BCL2L13: variants seen among roughly 807,000 people sequenced by gnomAD.
BCL2L13 encodes the protein BCL2 like 13, also known as bcl-2-like protein 13.
BCL2L13 carries 13 observed loss-of-function variants against 25.8 expected under a neutral mutation model. That is an observed-to-expected ratio of 0.50 (90% CI 0.33 to 0.80). The LOEUF (loss-of-function observed/expected upper bound fraction) is 0.80. Ranked by LOEUF, BCL2L13 falls within the 30% of genes least tolerant of loss-of-function variation. The probability of loss-of-function intolerance (pLI) is 0.02; values close to 1 mark genes in which losing one functional copy is unlikely to be tolerated. For missense variants in BCL2L13, 504 were observed against 574.9 expected, an observed-to-expected ratio of 0.88 and a Z score of 1.26; for synonymous variants, 244 against 230.3, an observed-to-expected ratio of 1.06 and a Z score of -0.54.
chr22:17,629,125 G>A (rs2057949825), intron 1 of BCL2L13: 1 of 157,264 alleles, frequency 6.4e-6, no homozygotes, highest in South Asian at 1.6e-4. Context: ...GGAGACTTTG[G>A]GAGACCAAGG....
intron 6 of BCL2L13, among the ~76,000 whole-genome samples, chr22:17,719,373 G>A (rs9618101): frequency 3.3e-5 from 5 of 151,870 alleles, no homozygotes; most frequent in African/African-American, 1.2e-4. Flanking sequence ...ATTTTTTGGA[G>A]AATAATTTGA....
At chr22:17,706,203 T>C (rs1055738506) in intron 6 of BCL2L13, among the ~76,000 whole-genome samples, 3 of 152,058 alleles carry the variant, frequency 2.0e-5, no homozygotes, top group African/African-American at 7.2e-5. Flanking sequence ...CAGAGAGAGG[T>C]TTCACTATGT....
chr22:17,695,627 A>T (rs5746460), intron 4 of BCL2L13: 78,681 of 151,692 alleles, frequency 0.52, 21,112 homozygotes, highest in East Asian at 0.84. Flanking sequence ...GCCAAAAAAA[A>T]TTTTTTTAAT....
chr22:17,648,095 A>G (rs1298661708), intron 1 of BCL2L13, among the ~76,000 whole-genome samples: 2 of 150,862 alleles, frequency 1.3e-5, no homozygotes, highest in Non-Finnish European at 2.9e-5. Context: ...ATGCCACTGC[A>G]CTCCTGGCGA....
chr22:17,715,171 T>TATATATA (rs1183781107), intron 6 of BCL2L13, among the ~76,000 whole-genome samples: 1 of 6,626 alleles, frequency 1.5e-4, no homozygotes, highest in African/African-American at 6.3e-4. Context: ...TATATATATA[T>TATATATA]TTTTTTTTTT....
intron 2 of BCL2L13, among the ~76,000 whole-genome samples, chr22:17,679,676 T>C (rs2059677980): frequency 6.6e-6 from 1 of 152,120 alleles, no homozygotes; most frequent in South Asian, 2.1e-4. Context: ...ATTTTTGCAA[T>C]GTAGGGAGAG....
At chr22:17,666,509 A>C (rs1027776413) in intron 2 of BCL2L13, among the ~76,000 whole-genome samples, 6 of 151,828 alleles carry the variant, frequency 4.0e-5, no homozygotes, top group Non-Finnish European at 2.9e-5. Flanking sequence ...TACCCTTCTT[A>C]GTTCTGGTAA....
intron 1 of BCL2L13, among the ~76,000 whole-genome samples, chr22:17,651,367 CTATTTATTTATT>C (rs148784214): frequency 6.1e-5 from 3 of 49,560 alleles, no homozygotes; most frequent in East Asian, 9.3e-4. Context: ...CAGCCTAGAC[CTATTTATTTATT>C]TATTTATTTA....
At chr22:17,651,612 C>T (rs2058690740) in intron 1 of BCL2L13, among the ~76,000 whole-genome samples, 1 of 150,664 alleles carries the variant, frequency 6.6e-6, no homozygotes, top group Non-Finnish European at 1.5e-5. Context: ...GAACTCCTGA[C>T]CTCATATGAT....
At chr22:17,649,871 CTTTT>C (rs71201855) in intron 1 of BCL2L13, among the ~76,000 whole-genome samples, 6 of 94,382 alleles carry the variant, frequency 6.4e-5, no homozygotes, top group Non-Finnish European at 8.4e-5. Context: ...TTTTTCTTTT[CTTTT>C]TTTTTTTTTT....
chr22:17,701,305 C>G (rs1208620166), intron 5 of BCL2L13, among the ~76,000 whole-genome samples: 1 of 152,144 alleles, frequency 6.6e-6, no homozygotes, highest in Non-Finnish European at 1.5e-5. Flanking sequence ...CAAAAAAGTA[C>G]AGAAAGATAT....
intron 5 of BCL2L13, among the ~76,000 whole-genome samples, chr22:17,699,144 TATA>T (rs2145690730): frequency 6.6e-6 from 1 of 152,340 alleles, no homozygotes; most frequent in Admixed American, 6.5e-5. Flanking sequence ...CTGGGTGACA[TATA>T]ATATCTGGTT....
chr22:17,697,264 C>T (rs2060292865), intron 5 of BCL2L13, among the ~76,000 whole-genome samples: 1 of 152,022 alleles, frequency 6.6e-6, no homozygotes, highest in South Asian at 2.1e-4. Flanking sequence ...CGTGGAGAAT[C>T]GCCGTCTCTA....
intron 5 of BCL2L13, among the ~76,000 whole-genome samples, chr22:17,701,993 T>C (rs567688057): frequency 5.3e-5 from 8 of 152,186 alleles, no homozygotes; most frequent in Non-Finnish European, 7.4e-5. Flanking sequence ...ATATGTTATT[T>C]CTGTCACACA....
chr22:17,698,773 C>T (rs1332583629), intron 5 of BCL2L13, among the ~76,000 whole-genome samples: 2 of 152,008 alleles, frequency 1.3e-5, no homozygotes, highest in Non-Finnish European at 2.9e-5. Context: ...GTCACTCCAC[C>T]TGTTAGTAGT....
At position 17,726,962 on chromosome 22, in the gene BCL2L13, G is replaced by A. The variant is rs1569023594; in HGVS notation, c.886G>A (p.Glu296Lys). The A allele has an allele frequency of 6.2e-7, 1 of 1,614,218 alleles. No individual in the cohort carries two copies. The change falls in exon 7 of 7, where the codon GAG (glutamate) becomes AAG (lysine). Residue 296 changes from glutamate (E) to lysine (K), a missense_variant. Coordinates refer to ENST00000317582, the MANE Select transcript of BCL2L13 (RefSeq NM_015367.4). The stretch of plus-strand genomic sequence containing the variant: ...AAGCTTAGACAGCAACGGAGCTGGA[G>A]AGAAGAGTGAGAACAACTCCTCTAA... The part of the protein sequence containing the change: ...VKSLDSNGAG[E>K]KSENNSSNSD...
intron 6 of BCL2L13, among the ~76,000 whole-genome samples, chr22:17,710,821 G>T (rs1422069308): frequency 2.6e-5 from 4 of 151,926 alleles, no homozygotes; most frequent in Non-Finnish European, 4.4e-5. Context: ...AGCTTGCAGT[G>T]AGTCAAGATC....
At chr22:17,701,747 G>C (rs1022879268) in intron 5 of BCL2L13, among the ~76,000 whole-genome samples, 5 of 151,986 alleles carry the variant, frequency 3.3e-5, no homozygotes, top group Non-Finnish European at 5.9e-5. Flanking sequence ...CCAACATGGT[G>C]AAACCCCGTC....
At position 17,696,191 on chromosome 22, in the gene BCL2L13, A is replaced by G; in HGVS notation, c.437A>G (p.His146Arg). 4 of 1,613,972 alleles carry G rather than the reference A, an allele frequency of 2.5e-6. No individual in the cohort carries two copies. Among genetic ancestry groups the G allele is most frequent in the Non-Finnish European group, 3.4e-6 (4 of 1,179,818 alleles). ...GAATGTACACTGGAGACCACAGTTC[A>G]TGCCAGCGGCTGGAATAAGGTATCA... Reference protein sequence around the residue: ...FRECTLETTVHASGWNKILVP... With the variant: ...FRECTLETTVRASGWNKILVP... Residue 146 changes from histidine (H) to arginine (R), a missense_variant, in exon 5 of 7, where the codon CAT becomes CGT. Coordinates refer to ENST00000317582, the MANE Select transcript of BCL2L13 (RefSeq NM_015367.4).
Sources: allele counts gnomAD v4.1 joint callset (sites outside exome capture counted in the v4.1 genomes callset), GRCh38; gene constraint gnomAD v4.1.1; transcripts MANE v1.5; gene names NCBI Gene and HGNC (gene_info 2026-07-23, HGNC 2026-07-21).